Variants in ZNF438 observed in about 807,000 individuals in gnomAD.
The protein encoded by ZNF438 is zinc finger protein 438.
In ZNF438, 25 loss-of-function variants were observed where a neutral mutation model predicts 38.0. The observed-to-expected ratio is 0.66, with a 90% confidence interval of 0.48 to 0.92. The LOEUF is 0.92. ZNF438 is among the 40% of genes least tolerant of loss of function. ZNF438 has a pLI of 0.00. For synonymous variants in ZNF438, 372 were observed against 364.1 expected (o/e 1.02, Z -0.25); for missense variants, 1,007 against 999.6 (o/e 1.01, Z -0.10).
At chr10:30,993,404 C>T (rs1048999773) in intron 1 of ZNF438, among the ~76,000 whole-genome samples, 2 of 152,214 alleles carry the variant, frequency 1.3e-5, no homozygotes, top group African/African-American at 4.8e-5. Flanking sequence ...GTGGCTGCCC[C>T]AGTCATGACC....
intron 1 of ZNF438, among the ~76,000 whole-genome samples, chr10:30,987,392 T>C (rs988442677): frequency 6.6e-6 from 1 of 151,898 alleles, no homozygotes; most frequent in Non-Finnish European, 1.5e-5. Context: ...TCCAGCATGA[T>C]AGTCCATGTT....
At chr10:30,957,410 T>C (rs1395780070) in intron 1 of ZNF438, among the ~76,000 whole-genome samples, 2 of 152,214 alleles carry the variant, frequency 1.3e-5, no homozygotes, top group South Asian at 2.1e-4. Flanking sequence ...CATTTGTTTA[T>C]TTTTTCTTTC....
chr10:31,017,658 C>G (rs1336332935), intron 1 of ZNF438, among the ~76,000 whole-genome samples: 1 of 152,198 alleles, frequency 6.6e-6, no homozygotes, highest in African/African-American at 2.4e-5. Context: ...CTTCAACCCT[C>G]TCTTGATTGA....
At chr10:31,017,205 C>T (rs1294098561) in intron 1 of ZNF438, among the ~76,000 whole-genome samples, 1 of 152,224 alleles carries the variant, frequency 6.6e-6, no homozygotes, top group Non-Finnish European at 1.5e-5. Context: ...TATCTCTGCT[C>T]TAGCAAGAAG....
chr10:30,872,461 A>G, intron 4 of ZNF438, among the ~76,000 whole-genome samples: 1 of 116,636 alleles, frequency 8.6e-6, no homozygotes, highest in African/African-American at 3.6e-5. Flanking sequence ...AAAAAAAAAA[A>G]AAAAAGAGGT....
chr10:30,967,870 C>T (rs2050298886), intron 1 of ZNF438, among the ~76,000 whole-genome samples: 1 of 152,172 alleles, frequency 6.6e-6, no homozygotes, highest in Non-Finnish European at 1.5e-5. Flanking sequence ...TCAGAAGGAA[C>T]TACACAGGAA....
At chr10:30,985,680 C>T (rs906959477) in intron 1 of ZNF438, among the ~76,000 whole-genome samples, 7 of 152,154 alleles carry the variant, frequency 4.6e-5, no homozygotes, top group African/African-American at 1.2e-4. Context: ...ACAAAATTAC[C>T]GTTGGTTCTC....
At chr10:30,856,336 G>T (rs2034620739) in intron 4 of ZNF438, among the ~76,000 whole-genome samples, 1 of 152,128 alleles carries the variant, frequency 6.6e-6, no homozygotes, top group Non-Finnish European at 1.5e-5. Flanking sequence ...AAGGCAATTT[G>T]CAATAAAGGC....
At chr10:30,940,112 A>G (rs1300137712) in intron 2 of ZNF438, among the ~76,000 whole-genome samples, 1 of 152,338 alleles carries the variant, frequency 6.6e-6, no homozygotes, top group African/African-American at 2.4e-5. Context: ...TATGGAACAT[A>G]TGCATTTATA....
chr10:30,876,894 T>C (rs1178824519), intron 4 of ZNF438, 104 bp downstream of exon 5: 1 of 766,996 alleles, frequency 1.3e-6, no homozygotes, highest in Non-Finnish European at 1.9e-6. Flanking sequence ...TTATTTTTAA[T>C]TCTAGGAAAT....
chr10:31,031,651 G>A (rs1250371856), intron 1 of ZNF438, among the ~76,000 whole-genome samples, 182 bp downstream of exon 1: 1 of 151,050 alleles, frequency 6.6e-6, no homozygotes, highest in East Asian at 2.0e-4. Context: ...CTCGCCTCCC[G>A]CACCCCAGGT....
intron 4 of ZNF438, among the ~76,000 whole-genome samples, chr10:30,863,814 G>T (rs777607489): frequency 6.6e-6 from 1 of 152,202 alleles, no homozygotes; most frequent in African/African-American, 2.4e-5. Flanking sequence ...TCTTCCTACA[G>T]AACCTTGCCT....
intron 2 of ZNF438, among the ~76,000 whole-genome samples, chr10:30,910,943 C>G (rs2043020476): frequency 6.6e-6 from 1 of 151,934 alleles, no homozygotes; most frequent in Admixed American, 6.6e-5. Context: ...GTATCAAAAT[C>G]TTAGAATATG....
intron 4 of ZNF438, among the ~76,000 whole-genome samples, chr10:30,864,973 C>G (rs1198988284): frequency 2.0e-5 from 3 of 152,212 alleles, no homozygotes; most frequent in African/African-American, 7.2e-5. Flanking sequence ...ACACTTCTTG[C>G]AAGATCACAA....
chr10:30,931,767 C>T (rs952560576), intron 2 of ZNF438, among the ~76,000 whole-genome samples: 4 of 152,184 alleles, frequency 2.6e-5, no homozygotes, highest in Non-Finnish European at 5.9e-5. Flanking sequence ...TATCAGAGCT[C>T]TCAGATTGTT....
At chr10:30,920,352 C>T (rs143265318) in intron 2 of ZNF438, 1 of 152,168 alleles carries the variant, frequency 6.6e-6, no homozygotes, top group African/African-American at 2.4e-5. Context: ...TGTTCAAATA[C>T]TTATCAGATA....
chr10:30,909,713 A>T (rs1328486381), intron 2 of ZNF438, among the ~76,000 whole-genome samples: 1 of 152,214 alleles, frequency 6.6e-6, no homozygotes, highest in Admixed American at 6.5e-5. Flanking sequence ...TCCATCCCAA[A>T]TTAATGACAC....
intron 3 of ZNF438, among the ~76,000 whole-genome samples, chr10:30,902,630 T>C (rs908524649): frequency 7.9e-5 from 12 of 152,078 alleles, no homozygotes; most frequent in African/African-American, 2.4e-4. Context: ...AGAGCGCTGA[T>C]TGGTGCATTT....
chr10:30,955,818 A>C (rs867970967), intron 1 of ZNF438, among the ~76,000 whole-genome samples: 1 of 152,046 alleles, frequency 6.6e-6, no homozygotes, highest in South Asian at 2.1e-4. Flanking sequence ...TTTGTAACTT[A>C]TTATTATTTT....
Sources: gnomAD v4.1 joint callset for allele counts (sites outside exome capture counted in the v4.1 genomes callset) on GRCh38, gnomAD v4.1.1 for gene constraint, MANE v1.5 for transcripts, NCBI Gene and HGNC (gene_info 2026-07-23, HGNC 2026-07-21) for gene names.